BICC1: variants seen among roughly 807,000 people sequenced by gnomAD.
The protein encoded by BICC1 is protein bicaudal C homolog 1.
A neutral mutation model predicts 111.0 loss-of-function variants in BICC1; 43 were observed. The observed-to-expected ratio is 0.39, with a 90% CI of 0.30 to 0.50. The LOEUF is 0.50. Among genes scored for constraint, BICC1 ranks in the 20% least tolerant of loss-of-function variants. The pLI, the probability that BICC1 is intolerant of heterozygous loss-of-function variation, is 0.88. For synonymous variants in BICC1, 467 were observed against 434.4 expected, an observed-to-expected ratio of 1.07 and a Z score of -0.93; for missense variants, 1,091 against 1,203.2, an observed-to-expected ratio of 0.91 and a Z score of 1.38.
intron 2 of BICC1, among the ~76,000 whole-genome samples, chr10:58,692,373 C>A (rs954232681): frequency 6.6e-6 from 1 of 152,134 alleles, no homozygotes; most frequent in Admixed American, 6.6e-5. Flanking sequence ...GAAAGGTAGT[C>A]TTCACTTTGC....
At chr10:58,625,115 A>G (rs1406260237) in intron 2 of BICC1, among the ~76,000 whole-genome samples, 4 of 152,204 alleles carry the variant, frequency 2.6e-5, no homozygotes, top group African/African-American at 9.7e-5. Flanking sequence ...AAAGGCGGGA[A>G]TGGATATAAC....
chr10:58,561,958 G>T (rs1423525024), intron 1 of BICC1, among the ~76,000 whole-genome samples: 5 of 151,930 alleles, frequency 3.3e-5, no homozygotes, highest in Non-Finnish European at 7.4e-5. Context: ...TTTTCTTTTT[G>T]CTGGTAGCAT....
chr10:58,809,395 G>A (rs1194914657), intron 17 of BICC1, among the ~76,000 whole-genome samples: 1 of 151,944 alleles, frequency 6.6e-6, no homozygotes, highest in Non-Finnish European at 1.5e-5. Flanking sequence ...ACCAGGTTAT[G>A]AGACTGGCTA....
chr10:58,700,249 C>T (rs1286289527), intron 2 of BICC1, among the ~76,000 whole-genome samples: 1 of 151,900 alleles, frequency 6.6e-6, no homozygotes, highest in Non-Finnish European at 1.5e-5. Flanking sequence ...GGGAGTTGGA[C>T]AAGATGGCAG....
At chr10:58,551,460 C>A (rs1433298752) in intron 1 of BICC1, among the ~76,000 whole-genome samples, 1 of 152,056 alleles carries the variant, frequency 6.6e-6, no homozygotes, top group Non-Finnish European at 1.5e-5. Context: ...TTAACATATC[C>A]ATTACCTTAC....
intron 20 of BICC1, chr10:58,823,188 C>T: frequency 1.0e-6 from 1 of 980,798 alleles, no homozygotes; most frequent in Non-Finnish European, 1.2e-6. Context: ...CCACCACGGC[C>T]TCAGGTAGAT....
At position 58,785,339 on chromosome 10, in the gene BICC1, G is replaced by T. The variant is rs74423803; in HGVS notation, c.387+259G>T. Among the ~76,000 whole-genome samples the T allele has an allele frequency of 7.0e-3, 1,057 of 152,076 alleles. 6 individuals carry two copies. Among genetic ancestry groups the T allele is most frequent in the Non-Finnish European group, 0.011 (775 of 67,976 alleles). On this transcript the variant is annotated intron_variant, in intron 4 of 20. Coordinates refer to ENST00000373886, the MANE Select transcript of BICC1 (RefSeq NM_001080512.3). The stretch of plus-strand genomic sequence containing the variant: ...ACATCTACATACATATATATGTATC[G>T]TGTATGTATGTGTATATATGTATAC...
chr10:58,716,228 A>G (rs1840736123), intron 3 of BICC1: 15 of 1,497,728 alleles, frequency 1.0e-5, no homozygotes, highest in Middle Eastern at 4.8e-4. Context: ...AAAAAGAATA[A>G]GAAGCATAAG....
chr10:58,735,474 T>C (rs1407622545), intron 3 of BICC1, among the ~76,000 whole-genome samples: 1 of 152,060 alleles, frequency 6.6e-6, no homozygotes, highest in African/African-American at 2.4e-5. Context: ...AGGGGATTAA[T>C]ATTACTTGTG....
chr10:58,641,696 A>G (rs963244755), intron 2 of BICC1, among the ~76,000 whole-genome samples: 1 of 152,200 alleles, frequency 6.6e-6, no homozygotes, highest in African/African-American at 2.4e-5. Context: ...GTAATGGAGA[A>G]TGAGTTGGCT....
chr10:58,754,747 A>AG lies in BICC1; in HGVS notation c.308-30247dup, dbSNP rs559918046. 6.9e-3 allele frequency among the ~76,000 whole-genome samples: 899 copies of AG among 129,670 alleles called. 14 individuals are homozygous for AG. Among genetic ancestry groups the AG allele is most frequent in the African/African-American group, 0.025 (852 of 34,088 alleles). 85.1% of individuals were successfully genotyped at this position (129,670 alleles called of 152,430 possible). On this transcript the variant is annotated intron_variant, in intron 3 of 20. Transcript: ENST00000373886. ...TATGGGCTTTAGGGACAAACTTGTGAGGGGGGGTGTGTATGTGTGTGTGTG... is the reference window on the plus strand; with the variant it reads ...TATGGGCTTTAGGGACAAACTTGTGAGGGGGGGGTGTGTATGTGTGTGTGTG...
chr10:58,628,986 GT>G (rs1330868666), intron 2 of BICC1, among the ~76,000 whole-genome samples: 1 of 152,230 alleles, frequency 6.6e-6, no homozygotes, highest in Non-Finnish European at 1.5e-5. Flanking sequence ...GGCAGATGTG[GT>G]GGCTAGACTG....
At chr10:58,549,324 A>C (rs1049387142) in intron 1 of BICC1, among the ~76,000 whole-genome samples, 12 of 152,184 alleles carry the variant, frequency 7.9e-5, no homozygotes, top group Non-Finnish European at 1.5e-5. Flanking sequence ...TTGCTATATT[A>C]TATGATAGAG....
rs144828314 is a variant in BICC1, at chr10:58,826,207, G to A, written c.2795-2554G>A. Among the ~76,000 whole-genome samples the A allele has an allele frequency of 1.6e-4, 24 of 152,230 alleles. 1 individual carries two copies. In the East Asian group the frequency reaches 4.6e-3, roughly 29 times the overall value. On this transcript the variant is annotated intron_variant, in intron 20 of 20. Coordinates refer to ENST00000373886, the MANE Select transcript of BICC1 (RefSeq NM_001080512.3). ...ATATGACAACTTAAAGCAAAATGAA[G>A]GTGAAGGATCTAAAGTTGGAGAAAT...
At chr10:58,719,475 C>T (rs577223538) in intron 3 of BICC1, among the ~76,000 whole-genome samples, 1 of 151,534 alleles carries the variant, frequency 6.6e-6, no homozygotes, top group African/African-American at 2.4e-5. Flanking sequence ...CTTGCACCAG[C>T]TCAGCACCTT....
intron 2 of BICC1, among the ~76,000 whole-genome samples, chr10:58,646,423 G>GT (rs1838271597): frequency 6.6e-6 from 1 of 152,116 alleles, no homozygotes; most frequent in African/African-American, 2.4e-5. Flanking sequence ...TATAGTAACA[G>GT]TTTTACCATA....
At chr10:58,734,698 T>G (rs1023488166) in intron 3 of BICC1, among the ~76,000 whole-genome samples, 1 of 152,214 alleles carries the variant, frequency 6.6e-6, no homozygotes, top group Non-Finnish European at 1.5e-5. Flanking sequence ...GCAAATGATT[T>G]ATTTTTCATA....
intron 2 of BICC1, among the ~76,000 whole-genome samples, chr10:58,678,093 A>G (rs1479229687): frequency 6.6e-6 from 1 of 152,230 alleles, no homozygotes; most frequent in Non-Finnish European, 1.5e-5. Flanking sequence ...AAAACATACC[A>G]AATTATAAAC....
intron 17 of BICC1, among the ~76,000 whole-genome samples, chr10:58,812,156 G>T (rs1216286128): frequency 6.6e-6 from 1 of 152,152 alleles, no homozygotes; most frequent in Non-Finnish European, 1.5e-5. Context: ...CCCTTAGGGA[G>T]GCAGTTGGGA....
Sources: gnomAD v4.1 joint callset for allele counts (sites outside exome capture counted in the v4.1 genomes callset) on GRCh38, gnomAD v4.1.1 for gene constraint, MANE v1.5 for transcripts, NCBI Gene and HGNC (gene_info 2026-07-23, HGNC 2026-07-21) for gene names.